Variants in ADAM20 observed in about 807,000 individuals in gnomAD.
The protein encoded by ADAM20 is disintegrin and metalloproteinase domain-containing protein 20.
For synonymous variants in ADAM20, 305 were observed against 310.2 expected (o/e 0.98, Z 0.18); for missense variants, 871 against 883.2 (o/e 0.99, Z 0.18).
the ADAM20 span, among the ~76,000 whole-genome samples, chr14:70,574,437 G>A: frequency 6.6e-6 from 1 of 152,010 alleles, no homozygotes; most frequent in Non-Finnish European, 1.5e-5. Flanking sequence ...TCAGGAGATT[G>A]AGACCATCCT....
Position 70,523,225 on chromosome 14 carries a change from A to G in ADAM20, c.1533T>C (p.His511=). 6.2e-7 allele frequency: 1 copy of G among 1,614,030 alleles called. No homozygotes were observed. The highest frequency in any genetic ancestry group is 8.5e-7 in the Non-Finnish European group (1 of 1,179,940). The change falls in exon 2 of 2, where the codon CAT becomes CAC. Residue 511 remains histidine (H), a synonymous_variant. Transcript: ENST00000256389. The part of the protein sequence containing the change: ...AFCYEKTCNN[H]DIQCKEIFGQ... ...CAAAAATCTCTTTACATTGTATATC[A>G]TGGTTATTACACGTCTTTTCATAGC...
intron 1 of ADAM20, among the ~76,000 whole-genome samples, chr14:70,526,133 G>T (rs905149458): frequency 1.3e-5 from 2 of 152,108 alleles, no homozygotes. Flanking sequence ...ACAAATTTTG[G>T]CTCAAGTAAA....
chr14:70,522,679 G>A lies in ADAM20; in HGVS notation c.2079C>T (p.Tyr693=), dbSNP rs761634645. The part of the protein sequence containing the change: ...EGLNVMGKLR[Y]LSLLCLLPLV... ...AAGGAAGAAGGCACAATAGTGACAGGTAACGCAACTTTCCCATCACATTTA... is the reference window on the plus strand; with the variant it reads ...AAGGAAGAAGGCACAATAGTGACAGATAACGCAACTTTCCCATCACATTTA... Residue 693 remains tyrosine, a synonymous_variant, in exon 2 of 2, where the codon TAC becomes TAT. Coordinates refer to ENST00000256389, the MANE Select transcript of ADAM20 (RefSeq NM_003814.5). The A allele has an allele frequency of 1.2e-6, 2 of 1,613,992 alleles. No homozygotes were observed. The highest frequency in any genetic ancestry group is 1.7e-6 in the Non-Finnish European group (2 of 1,179,920).
upstream of ADAM20, among the ~76,000 whole-genome samples, chr14:70,539,598 T>C (rs539428303): frequency 2.6e-5 from 4 of 152,364 alleles, no homozygotes; most frequent in South Asian, 8.3e-4. Context: ...GGATTGTTTG[T>C]AACCAGCTTT....
At chr14:70,571,504 T>A in the ADAM20 span, among the ~76,000 whole-genome samples, 2 of 152,228 alleles carry the variant, frequency 1.3e-5, no homozygotes, top group Non-Finnish European at 2.9e-5. Context: ...CATGCTGAAC[T>A]GTGAGTCAAT....
chr14:70,553,752 A>T, the ADAM20 span, among the ~76,000 whole-genome samples: 1 of 65,510 alleles, frequency 1.5e-5, no homozygotes. Context: ...CCTTCATGAT[A>T]AAAAAAAAAA....
At chr14:70,571,032 A>G in the ADAM20 span, among the ~76,000 whole-genome samples, 3 of 152,204 alleles carry the variant, frequency 2.0e-5, no homozygotes, top group Admixed American at 2.0e-4. Flanking sequence ...AGACACAGAA[A>G]AAGCATTCAA....
chr14:70,542,090 A>AAATATTGCTAG, the ADAM20 span, among the ~76,000 whole-genome samples: 2,328 of 152,272 alleles, frequency 0.015, 58 homozygotes, highest in African/African-American at 0.048. Context: ...AATATTGCTA[A>AAATATTGCTAG]TCCTTTGTTT....
chr14:70,564,237 C>A, the ADAM20 span, among the ~76,000 whole-genome samples: 1 of 152,232 alleles, frequency 6.6e-6, no homozygotes, highest in Non-Finnish European at 1.5e-5. Context: ...AGAACTAAGG[C>A]TTTCTCTTCA....
At chr14:70,568,402 C>A in the ADAM20 span, among the ~76,000 whole-genome samples, 2 of 152,120 alleles carry the variant, frequency 1.3e-5, no homozygotes, top group Non-Finnish European at 2.9e-5. Flanking sequence ...CAAATGATAG[C>A]AAACTCAAAA....
intron 1 of ADAM20, 107 bp downstream of exon 1, chr14:70,534,690 A>G (rs1883793580): frequency 6.6e-6 from 1 of 152,228 alleles, no homozygotes; most frequent in South Asian, 2.1e-4. Context: ...GTTCCTGTTC[A>G]ATGGATATAT....
chr14:70,547,482 C>A, the ADAM20 span: 1 of 136,020 alleles, frequency 7.4e-6, no homozygotes, highest in African/African-American at 2.8e-5. Flanking sequence ...CGAGGCATTG[C>A]CTCACCTGGG....
the ADAM20 span, among the ~76,000 whole-genome samples, chr14:70,574,277 A>G: frequency 6.6e-6 from 1 of 152,216 alleles, no homozygotes; most frequent in African/African-American, 2.4e-5. Context: ...ACAAATGAAA[A>G]CACGACATAC....
At chr14:70,533,284 T>C (rs1883752902) in intron 1 of ADAM20, among the ~76,000 whole-genome samples, 1 of 152,126 alleles carries the variant, frequency 6.6e-6, no homozygotes, top group Non-Finnish European at 1.5e-5. Flanking sequence ...CATTCTACTA[T>C]AAAGACACAT....
chr14:70,555,135 C>A, the ADAM20 span, among the ~76,000 whole-genome samples: 1 of 152,122 alleles, frequency 6.6e-6, no homozygotes, highest in South Asian at 2.1e-4. Flanking sequence ...ACCCTATTTA[C>A]CTGCCTCAGT....
At chr14:70,576,480 CTCT>C in the ADAM20 span, among the ~76,000 whole-genome samples, 1 of 152,108 alleles carries the variant, frequency 6.6e-6, no homozygotes, top group South Asian at 2.1e-4. Context: ...ACAACTAAAA[CTCT>C]TCTATCCAAA....
chr14:70,535,848 A>G (rs1006703036), upstream of ADAM20, among the ~76,000 whole-genome samples: 1 of 152,258 alleles, frequency 6.6e-6, no homozygotes, highest in Non-Finnish European at 1.5e-5. Flanking sequence ...TATACTTTAT[A>G]GAATGAAATT....
At chr14:70,550,693 C>A in the ADAM20 span, among the ~76,000 whole-genome samples, 9 of 35,620 alleles carry the variant, frequency 2.5e-4, no homozygotes, top group African/African-American at 1.3e-3. Context: ...GAGTCCAGGA[C>A]CAGATGGATT....
chr14:70,524,430 A>G lies in ADAM20; in HGVS notation c.328T>C (p.Tyr110His). 1 of 1,614,040 alleles carries G rather than the reference A, an allele frequency of 6.2e-7. No individual in the cohort carries two copies. The highest frequency in any genetic ancestry group is 8.5e-7 in the Non-Finnish European group (1 of 1,179,948). ...ACCCCCTCCACATAACCATGGTAGTAGCAGTCATCCTGGATGAAGGGCTGA... is the reference window on the plus strand; with the variant it reads ...ACCCCCTCCACATAACCATGGTAGTGGCAGTCATCCTGGATGAAGGGCTGA... ...QDQPFIQDDC[Y>H]YHGYVEGVPE... The change falls in exon 2 of 2, where the codon TAC (tyrosine) becomes CAC (histidine). Residue 110 changes from tyrosine to histidine, a missense_variant. By Grantham distance (83) the Tyr-to-His change is moderately conservative. Transcript: ENST00000256389.
Sources: gnomAD v4.1 joint callset for allele counts (sites outside exome capture counted in the v4.1 genomes callset) on GRCh38, gnomAD v4.1.1 for gene constraint, MANE v1.5 for transcripts, NCBI Gene and HGNC (gene_info 2026-07-23, HGNC 2026-07-21) for gene names.